The following GTF2H1 variants were observed in gnomAD, a reference collection of about 807,000 sequenced individuals.
GTF2H1 encodes BTF2 p62.
A neutral mutation model predicts 71.2 loss-of-function variants in GTF2H1; 16 were observed. The observed-to-expected ratio is 0.22, with a 90% CI of 0.15 to 0.34. GTF2H1 has a LOEUF of 0.34. Among genes scored for constraint, GTF2H1 ranks in the 10% least tolerant of loss-of-function variants. The pLI is 1.00. For synonymous variants in GTF2H1, 215 were observed against 219.0 expected (o/e 0.98, Z 0.16); for missense variants, 498 against 648.2 (o/e 0.77, Z 2.52).
chr11:18,346,534 G>C (rs1865297086), intron 7 of GTF2H1, among the ~76,000 whole-genome samples: 1 of 151,916 alleles, frequency 6.6e-6, no homozygotes, highest in African/African-American at 2.4e-5. Context: ...AATCAATTTT[G>C]TATCTACATG....
At position 18,358,651 on chromosome 11, in the gene GTF2H1, G is replaced by T; in HGVS notation, c.1467+11G>T. On this transcript the variant is annotated intron_variant, in intron 13 of 14. Transcript: ENST00000265963. ...TTCCTAGAAGAAAAGGTTAGAACCA[G>T]TTCTGAAGACAGCCAGATAATTGTG... 2.0e-6 allele frequency: 3 copies of T among 1,480,768 alleles called. No individual in the cohort carries two copies. Among genetic ancestry groups the T allele is most frequent in the Admixed American group, 3.4e-5 (2 of 58,724 alleles). 91.7% of individuals were successfully genotyped at this position (1,480,768 alleles called of 1,614,324 possible). A position where few individuals can be genotyped will look rare whatever the true frequency, so the allele number is the denominator to read the frequency against.
chr11:18,340,103 T>C (rs1167586259), intron 5 of GTF2H1, among the ~76,000 whole-genome samples: 1 of 152,114 alleles, frequency 6.6e-6, no homozygotes, highest in Non-Finnish European at 1.5e-5. Flanking sequence ...CTTACCCCTT[T>C]AGTCCCTTAG....
At chr11:18,349,169 A>G (rs1470237713) in intron 9 of GTF2H1, among the ~76,000 whole-genome samples, 2 of 152,204 alleles carry the variant, frequency 1.3e-5, no homozygotes, top group Non-Finnish European at 1.5e-5. Context: ...TGCTGGGGTT[A>G]CAGGCATGAG....
chr11:18,336,102 TTGG>T lies in GTF2H1; in HGVS notation c.347+167_347+169del, dbSNP rs539550522. Among the ~76,000 whole-genome samples, 73 of 151,956 alleles carry T rather than the reference TTGG, an allele frequency of 4.8e-4. 1 individual carries two copies. The highest frequency in any genetic ancestry group is 9.4e-4 in the Non-Finnish European group (64 of 67,998). On this transcript the variant is annotated intron_variant, in intron 3 of 14. Transcript: ENST00000265963. ...TTTTTGTTTTGTTTGTTTGTTTGTT[TTGG>T]TGGTGGTGGTTTTTTGTTTGTTTGT...
intron 9 of GTF2H1, among the ~76,000 whole-genome samples, chr11:18,350,757 A>G (rs979054524): frequency 2.0e-5 from 3 of 152,230 alleles, no homozygotes; most frequent in African/African-American, 7.2e-5. Flanking sequence ...GATGAATTTC[A>G]TAGCTTTGTA....
intron 2 of GTF2H1, among the ~76,000 whole-genome samples, chr11:18,334,450 C>A (rs1360940795): frequency 6.6e-6 from 1 of 152,206 alleles, no homozygotes; most frequent in Non-Finnish European, 1.5e-5. Flanking sequence ...ACTAACATTT[C>A]TGTAACAATA....
intron 14 of GTF2H1, among the ~76,000 whole-genome samples, chr11:18,361,165 G>A (rs1232965334): frequency 6.6e-6 from 1 of 152,026 alleles, no homozygotes; most frequent in Admixed American, 6.6e-5. Flanking sequence ...CATGCATTCA[G>A]AAGTATATAA....
At chr11:18,350,946 A>G (rs1316791398) in intron 9 of GTF2H1, among the ~76,000 whole-genome samples, 1 of 152,200 alleles carries the variant, frequency 6.6e-6, no homozygotes, top group Non-Finnish European at 1.5e-5. Context: ...CCAGAAGTAA[A>G]CCCAAATACG....
chr11:18,336,001 T>C, intron 3 of GTF2H1, 55 bp downstream of exon 3: 1 of 1,327,426 alleles, frequency 7.5e-7, no homozygotes, highest in Non-Finnish European at 1.0e-6. Context: ...TATAGTCTCC[T>C]AGTATGCTAA....
intron 3 of GTF2H1, among the ~76,000 whole-genome samples, chr11:18,337,460 A>G (rs1865056216): frequency 6.6e-6 from 1 of 152,036 alleles, no homozygotes; most frequent in Non-Finnish European, 1.5e-5. Flanking sequence ...AGAAAAAAAA[A>G]ACTTCATTGC....
intron 7 of GTF2H1, among the ~76,000 whole-genome samples, chr11:18,343,659 C>G (rs888299078): frequency 6.6e-6 from 1 of 152,196 alleles, no homozygotes; most frequent in African/African-American, 2.4e-5. Context: ...CTGCAGAGCT[C>G]TAGCTGCCTA....
intron 1 of GTF2H1, among the ~76,000 whole-genome samples, chr11:18,327,342 A>G (rs1565002824): frequency 6.6e-6 from 1 of 151,000 alleles, no homozygotes; most frequent in Non-Finnish European, 1.5e-5. Flanking sequence ...ATAGATAATC[A>G]TTATTAAATT....
intron 13 of GTF2H1, among the ~76,000 whole-genome samples, chr11:18,360,008 A>G (rs1324261667): frequency 1.3e-5 from 2 of 151,776 alleles, no homozygotes; most frequent in Admixed American, 6.6e-5. Flanking sequence ...AGAGAGGTCA[A>G]AGCTGCAGTG....
chr11:18,324,799 C>T (rs1199690333), intron 1 of GTF2H1, among the ~76,000 whole-genome samples: 1 of 152,174 alleles, frequency 6.6e-6, no homozygotes, highest in Non-Finnish European at 1.5e-5. Context: ...CTCTTGTCAG[C>T]ATGCAGTATT....
intron 4 of GTF2H1, among the ~76,000 whole-genome samples, chr11:18,338,929 G>A (rs115824425): frequency 4.6e-5 from 7 of 152,142 alleles, no homozygotes; most frequent in African/African-American, 1.7e-4. Flanking sequence ...CAAATGTAGG[G>A]CTTTCTGCTG....
chr11:18,360,583 C>A (rs757149084), intron 13 of GTF2H1, 32 bp from the exon 14 acceptor site: 1 of 1,038,210 alleles, frequency 9.6e-7, no homozygotes, highest in East Asian at 2.6e-5. Flanking sequence ...CTTGAGATTT[C>A]TCTGTAATTT....
rs1167666032 is a variant in GTF2H1, at chr11:18,322,930, CT to C, written c.-16+192del. ...CGAGGAAGAGGCGACCCCTAATCTA[CT>C]TGTCTAAAGGAAACCTGCTCTTAAA... On this transcript the variant is annotated intron_variant, in intron 1 of 14. Coordinates refer to ENST00000265963, the MANE Select transcript of GTF2H1 (RefSeq NM_005316.4). 3.3e-5 allele frequency among the ~76,000 whole-genome samples: 5 copies of C among 152,320 alleles called. 1 individual carries two copies. In the East Asian group the frequency reaches 9.7e-4, roughly 29 times the overall value.
At chr11:18,357,926 T>C in intron 11 of GTF2H1, 26 bp from the exon 12 acceptor site, 4 of 1,426,580 alleles carry the variant, frequency 2.8e-6, no homozygotes, top group Non-Finnish European at 4.0e-6. Context: ...GGAAAACCAG[T>C]TTTAATGCAT....
chr11:18,357,185 T>C (rs1432431072), intron 11 of GTF2H1, among the ~76,000 whole-genome samples: 1 of 152,194 alleles, frequency 6.6e-6, no homozygotes, highest in African/African-American at 2.4e-5. Context: ...ACCCTGCACT[T>C]GCTGTTTCAC....
Sources: allele counts gnomAD v4.1 joint callset (sites outside exome capture counted in the v4.1 genomes callset), GRCh38; gene constraint gnomAD v4.1.1; transcripts MANE v1.5; gene names NCBI Gene and HGNC (gene_info 2026-07-23, HGNC 2026-07-21).